SIPA1L3: variants seen among roughly 807,000 people sequenced by gnomAD.
SIPA1L3 encodes signal-induced proliferation-associated 1-like protein 3.
Under a neutral mutation model 150.1 loss-of-function variants are expected in SIPA1L3, and 59 were observed. That is an observed-to-expected ratio of 0.39 (90% CI 0.32 to 0.49). SIPA1L3 has a LOEUF of 0.49. Among genes scored for constraint, SIPA1L3 ranks in the 20% least tolerant of loss-of-function variants. The pLI is 0.86. For synonymous variants in SIPA1L3, 1,070 were observed against 1,077.6 expected (o/e 0.99, Z 0.14); for missense variants, 2,211 against 2,489.5 (o/e 0.89, Z 2.38).
At chr19:37,935,139 G>A (rs941107983) in intron 1 of SIPA1L3, among the ~76,000 whole-genome samples, 3 of 151,998 alleles carry the variant, frequency 2.0e-5, no homozygotes, top group African/African-American at 7.3e-5. Context: ...ATTTTTGGAG[G>A]GTTCTCACCA....
At chr19:37,987,682 C>A (rs1466909416) in intron 1 of SIPA1L3, among the ~76,000 whole-genome samples, 3 of 152,340 alleles carry the variant, frequency 2.0e-5, no homozygotes, top group East Asian at 3.9e-4. Context: ...CCTAGGCCAG[C>A]TGGTCACTCA....
At chr19:38,050,474 A>C (rs1612361) in intron 2 of SIPA1L3, among the ~76,000 whole-genome samples, 35,984 of 151,994 alleles carry the variant, frequency 0.24, 5,534 homozygotes, top group African/African-American at 0.44. Flanking sequence ...ACAACAACAA[A>C]AAAACAGCGC....
intron 21 of SIPA1L3, among the ~76,000 whole-genome samples, chr19:38,205,027 T>C (rs1973176531): frequency 2.6e-5 from 4 of 152,192 alleles, no homozygotes; most frequent in Admixed American, 1.3e-4. Flanking sequence ...TCCAGTAACT[T>C]ACATAAAAAC....
chr19:37,956,549 T>C (rs1251888348), intron 1 of SIPA1L3, among the ~76,000 whole-genome samples: 4 of 138,590 alleles, frequency 2.9e-5, no homozygotes, highest in African/African-American at 1.1e-4. Flanking sequence ...AGTGGCACAA[T>C]CTCGGCTCAC....
chr19:38,124,995 A>AGAGAGGGAGAGGGAGACCGTGGGGAGGGG (rs1971139312), intron 9 of SIPA1L3, among the ~76,000 whole-genome samples: 1 of 103,078 alleles, frequency 9.7e-6, no homozygotes, highest in African/African-American at 4.9e-5. Flanking sequence ...GACTGTGGAA[A>AGAGAGGGAGAGGGAGACCGTGGGGAGGGG]GAGAGGGAGA....
At chr19:37,992,934 C>T (rs1347487850) in intron 1 of SIPA1L3, among the ~76,000 whole-genome samples, 1 of 152,168 alleles carries the variant, frequency 6.6e-6, no homozygotes, top group Non-Finnish European at 1.5e-5. Context: ...AGTGTGAGTG[C>T]GGGAAGTCAG....
At chr19:38,024,372 A>AG (rs1209931964) in intron 1 of SIPA1L3, among the ~76,000 whole-genome samples, 1 of 152,214 alleles carries the variant, frequency 6.6e-6, no homozygotes, top group Non-Finnish European at 1.5e-5. Context: ...ACTTCCTTGT[A>AG]GGCCTGTTTT....
chr19:38,131,499 A>G (rs900477876), intron 10 of SIPA1L3, among the ~76,000 whole-genome samples: 2 of 152,172 alleles, frequency 1.3e-5, no homozygotes, highest in African/African-American at 4.8e-5. Flanking sequence ...GAGAGCTGAG[A>G]GCAAAGGACA....
chr19:38,039,849 G>T (rs1968873125), intron 2 of SIPA1L3, among the ~76,000 whole-genome samples: 1 of 152,174 alleles, frequency 6.6e-6, no homozygotes, highest in Non-Finnish European at 1.5e-5. Flanking sequence ...GCAGGGTACA[G>T]TGGCTCACGC....
chr19:37,923,173 A>G (rs1030379735), intron 1 of SIPA1L3, among the ~76,000 whole-genome samples: 5 of 151,826 alleles, frequency 3.3e-5, no homozygotes, highest in Non-Finnish European at 7.4e-5. Flanking sequence ...GCACCGTGTC[A>G]GTTGGTGATA....
intron 1 of SIPA1L3, among the ~76,000 whole-genome samples, chr19:38,025,242 A>G (rs1416316597): frequency 6.6e-6 from 1 of 152,072 alleles, no homozygotes; most frequent in Admixed American, 6.5e-5. Flanking sequence ...ACATTATCTC[A>G]TGGGATTCTG....
At position 38,082,285 on chromosome 19, in the gene SIPA1L3, G is replaced by T. The variant is rs2145823716; in HGVS notation, c.720G>T (p.Glu240Asp). 9 of 1,599,744 alleles carry T rather than the reference G, an allele frequency of 5.6e-6. No homozygotes were observed. Among genetic ancestry groups the T allele is most frequent in the Non-Finnish European group, 7.6e-6 (9 of 1,179,436 alleles). The change falls in exon 3 of 22, where the codon GAG becomes GAT. Residue 240 changes from glutamate (E) to aspartate (D), a missense_variant. By Grantham distance (45) the Glu-to-Asp change is conservative. Coordinates refer to ENST00000222345, the MANE Select transcript of SIPA1L3 (RefSeq NM_015073.3). ...PDARGCQALT[E>D]LLRADPGPHL... ...CCCGAGGGTGCCAGGCCCTCACCGA[G>T]CTCCTCCGGGCAGATCCTGGCCCAC...
chr19:38,072,968 C>T (rs1286882765), intron 2 of SIPA1L3, among the ~76,000 whole-genome samples: 1 of 152,220 alleles, frequency 6.6e-6, no homozygotes, highest in Non-Finnish European at 1.5e-5. Context: ...TCACTGGTTG[C>T]CTGCTCTTCT....
At chr19:38,040,657 C>G (rs890324699) in intron 2 of SIPA1L3, among the ~76,000 whole-genome samples, 1 of 152,082 alleles carries the variant, frequency 6.6e-6, no homozygotes, top group East Asian at 1.9e-4. Context: ...ATTACACATC[C>G]TTTTTTTAAA....
chr19:38,085,997 TC>T (rs1176311930), intron 3 of SIPA1L3, among the ~76,000 whole-genome samples: 1 of 150,720 alleles, frequency 6.6e-6, no homozygotes, highest in Admixed American at 6.6e-5. Context: ...CTCTGTCCCC[TC>T]AACCAAAACA....
chr19:38,077,315 G>A (rs758501815), intron 2 of SIPA1L3, among the ~76,000 whole-genome samples: 1 of 152,110 alleles, frequency 6.6e-6, no homozygotes, highest in Non-Finnish European at 1.5e-5. Context: ...GCTGGGCATG[G>A]TGACGTGCAT....
At chr19:37,982,151 T>A (rs878963513) in intron 1 of SIPA1L3, among the ~76,000 whole-genome samples, 1 of 152,180 alleles carries the variant, frequency 6.6e-6, no homozygotes, top group Non-Finnish European at 1.5e-5. Flanking sequence ...ATCTGTCTGA[T>A]CAGAGAAACA....
chr19:38,194,142 C>T (rs545220697), intron 18 of SIPA1L3, among the ~76,000 whole-genome samples: 2 of 146,926 alleles, frequency 1.4e-5, no homozygotes, highest in East Asian at 2.1e-4. Context: ...CAGCTCTAAG[C>T]GGTTTGCTTC....
At chr19:37,917,726 C>T (rs1233606427) in intron 1 of SIPA1L3, among the ~76,000 whole-genome samples, 3 of 152,056 alleles carry the variant, frequency 2.0e-5, no homozygotes, top group East Asian at 1.9e-4. Flanking sequence ...ATTCTGAGGC[C>T]GGTCGTAGAA....
Sources: allele counts gnomAD v4.1 joint callset (sites outside exome capture counted in the v4.1 genomes callset), GRCh38; gene constraint gnomAD v4.1.1; transcripts MANE v1.5; gene names NCBI Gene and HGNC (gene_info 2026-07-23, HGNC 2026-07-21).